KCNN2: variants seen among roughly 807,000 people sequenced by gnomAD.
KCNN2 encodes the protein potassium calcium-activated channel subfamily N member 2.
KCNN2 carries 24 observed loss-of-function variants against 55.5 expected under a neutral mutation model. The ratio of observed to expected loss-of-function variants is 0.43; its 90% CI spans 0.31 to 0.61. The LOEUF is 0.61. KCNN2 is among the 20% of genes least tolerant of loss of function. KCNN2 has a pLI of 0.08. For synonymous variants in KCNN2, 431 were observed against 336.1 expected (o/e 1.28, Z -3.09); for missense variants, 754 against 853.6 (o/e 0.88, Z 1.45).
chr5:114,254,213 G>A (rs952012063), intron 2 of KCNN2, among the ~76,000 whole-genome samples: 1 of 151,824 alleles, frequency 6.6e-6, no homozygotes, highest in Non-Finnish European at 1.5e-5. Context: ...AAAACAATAC[G>A]AAAAGATAGA....
chr5:114,471,454 G>A (rs1470549799), intron 4 of KCNN2, among the ~76,000 whole-genome samples: 11 of 152,120 alleles, frequency 7.2e-5, no homozygotes, highest in African/African-American at 2.4e-4. Context: ...TTTTTTTACT[G>A]AAATATTTTC....
intron 2 of KCNN2, among the ~76,000 whole-genome samples, chr5:114,318,531 A>G (rs1756547166): frequency 6.6e-6 from 1 of 151,816 alleles, no homozygotes; most frequent in African/African-American, 2.4e-5. Flanking sequence ...TTATACCACT[A>G]TATATAATCA....
intron 2 of KCNN2, among the ~76,000 whole-genome samples, chr5:114,225,302 C>T (rs975315526): frequency 6.6e-6 from 1 of 152,042 alleles, no homozygotes; most frequent in Non-Finnish European, 1.5e-5. Flanking sequence ...AAGGTTTCTC[C>T]ATTATGGAGA....
chr5:114,480,247 C>G (rs181733280), intron 5 of KCNN2, among the ~76,000 whole-genome samples: 2 of 152,230 alleles, frequency 1.3e-5, no homozygotes, highest in Admixed American at 1.3e-4. Context: ...TGCATATAAA[C>G]TAGAAAATCT....
At chr5:114,361,275 G>T (rs550650396), upstream of KCNN2, 1 of 151,536 alleles carries the variant, frequency 6.6e-6, no homozygotes, top group Non-Finnish European at 1.5e-5. Context: ...ACCCCCGGCC[G>T]GGGTGCCGAG....
chr5:114,185,467 G>T (rs1753312580), intron 1 of KCNN2, among the ~76,000 whole-genome samples: 1 of 152,222 alleles, frequency 6.6e-6, no homozygotes, highest in South Asian at 2.1e-4. Context: ...ATTTGCAGCA[G>T]GGAGGAGCCC....
rs553830783 is a variant in KCNN2, at chr5:114,080,189, T to A, written c.-271+23689T>A. Among the ~76,000 whole-genome samples, 32 of 152,308 alleles carry A rather than the reference T, an allele frequency of 2.1e-4. 1 individual carries two copies. In the South Asian group the frequency reaches 5.6e-3, roughly 27 times the overall value. Reference sequence around the variant, plus strand: ...CTCTAAGCATGAATATTCTACCGAATGGTTGTGGATGAGACATTTGAAAAC... The same window carrying A: ...CTCTAAGCATGAATATTCTACCGAAAGGTTGTGGATGAGACATTTGAAAAC... On this transcript the variant is annotated intron_variant, in intron 1 of 10. Transcript: ENST00000512097.
At chr5:114,449,184 C>G (rs144912383) in intron 3 of KCNN2, among the ~76,000 whole-genome samples, 1 of 152,126 alleles carries the variant, frequency 6.6e-6, no homozygotes, top group African/African-American at 2.4e-5. Context: ...CTATGTTGCT[C>G]CTGCCTTTCC....
chr5:114,063,685 G>A (rs923376302), intron 1 of KCNN2, among the ~76,000 whole-genome samples: 1 of 152,150 alleles, frequency 6.6e-6, no homozygotes, highest in Non-Finnish European at 1.5e-5. Flanking sequence ...AGGGAGATAA[G>A]GCAATGCTAG....
chr5:114,383,602 G>C (rs1181645905), intron 2 of KCNN2, among the ~76,000 whole-genome samples: 1 of 151,818 alleles, frequency 6.6e-6, no homozygotes, highest in Non-Finnish European at 1.5e-5. Flanking sequence ...CCAAGTAGCT[G>C]GGATTACAGG....
intron 3 of KCNN2, among the ~76,000 whole-genome samples, chr5:114,445,754 G>A (rs1407184445): frequency 1.3e-5 from 2 of 152,292 alleles, no homozygotes; most frequent in East Asian, 3.9e-4. Context: ...CCTTGCTTCT[G>A]TTATTTCTTC....
intron 1 of KCNN2, among the ~76,000 whole-genome samples, chr5:114,147,077 G>A (rs1357878784): frequency 1.3e-5 from 2 of 152,104 alleles, no homozygotes; most frequent in East Asian, 1.9e-4. Context: ...CAAACAGCTC[G>A]GCTTTTTGAG....
At chr5:114,160,054 T>C (rs1410146779) in intron 1 of KCNN2, among the ~76,000 whole-genome samples, 3 of 152,214 alleles carry the variant, frequency 2.0e-5, no homozygotes, top group Non-Finnish European at 4.4e-5. Context: ...AGCTTTTGAA[T>C]GTGTTTGCTC....
At chr5:114,222,229 G>GA (rs1314895158) in intron 2 of KCNN2, among the ~76,000 whole-genome samples, 1 of 152,194 alleles carries the variant, frequency 6.6e-6, no homozygotes, top group Non-Finnish European at 1.5e-5. Context: ...GGGGATCAGA[G>GA]AAAATCTAAG....
At chr5:114,380,017 A>G (rs115229596) in intron 2 of KCNN2, among the ~76,000 whole-genome samples, 6,867 of 151,584 alleles carry the variant, frequency 0.045, 169 homozygotes, top group Middle Eastern at 0.065. Flanking sequence ...TTTAATTTAT[A>G]TCATTTTATT....
chr5:114,248,675 G>C (rs1207032978), intron 2 of KCNN2, among the ~76,000 whole-genome samples: 1 of 152,088 alleles, frequency 6.6e-6, no homozygotes, highest in Non-Finnish European at 1.5e-5. Flanking sequence ...CATAATCTTT[G>C]AAATTAAACT....
intron 1 of KCNN2, among the ~76,000 whole-genome samples, chr5:114,095,968 G>A (rs1057403918): frequency 1.3e-5 from 2 of 152,024 alleles, no homozygotes; most frequent in African/African-American, 2.4e-5. Flanking sequence ...TTTAAAAACA[G>A]GCTATGTCAT....
chr5:114,136,543 T>C (rs1326790339), intron 1 of KCNN2, among the ~76,000 whole-genome samples: 1 of 152,230 alleles, frequency 6.6e-6, no homozygotes, highest in Non-Finnish European at 1.5e-5. Flanking sequence ...CAGTTCATGC[T>C]GGACAGTGGA....
intron 2 of KCNN2, among the ~76,000 whole-genome samples, chr5:114,343,205 T>C (rs1463240563): frequency 2.0e-5 from 3 of 152,226 alleles, no homozygotes; most frequent in Admixed American, 6.5e-5. Context: ...GAAGGCTTGC[T>C]AATGAATAGC....
Sources: allele counts gnomAD v4.1 joint callset (sites outside exome capture counted in the v4.1 genomes callset), GRCh38; gene constraint gnomAD v4.1.1; transcripts MANE v1.5; gene names NCBI Gene and HGNC (gene_info 2026-07-23, HGNC 2026-07-21).